Variants in SNTG1 observed in about 807,000 individuals in gnomAD.
SNTG1 encodes syntrophin gamma 1.
In SNTG1, 39 loss-of-function variants were observed where a neutral mutation model predicts 74.7. The ratio of observed to expected loss-of-function variants is 0.52; its 90% confidence interval spans 0.40 to 0.68. The LOEUF (loss-of-function observed/expected upper bound fraction) is 0.68. SNTG1 is among the 30% of genes least tolerant of loss of function. The pLI is 0.00. For synonymous variants in SNTG1, 254 were observed against 217.1 expected (o/e 1.17, Z -1.49); for missense variants, 685 against 609.5 (o/e 1.12, Z -1.30).
intron 1 of SNTG1, among the ~76,000 whole-genome samples, chr8:49,992,479 G>A (rs1328042693): frequency 6.6e-6 from 1 of 152,084 alleles, no homozygotes; most frequent in Non-Finnish European, 1.5e-5. Flanking sequence ...TTGATTTGAA[G>A]CAAGTTAACT....
chr8:50,610,506 T>C (rs1194133909), intron 13 of SNTG1, among the ~76,000 whole-genome samples: 1 of 152,220 alleles, frequency 6.6e-6, no homozygotes, highest in Non-Finnish European at 1.5e-5. Flanking sequence ...AGGGTCAACC[T>C]GTTAAATTTG....
rs975092019 is a variant in SNTG1 at position 50,069,832 on chromosome 8, G to A, written c.-102-102729G>A. Among the ~76,000 whole-genome samples the A allele has an allele frequency of 2.0e-5, 3 of 151,808 alleles. No individual in the cohort carries two copies. In the South Asian group the frequency reaches 6.3e-4, roughly 32 times the overall value. ...CCACCCTTCCTGCTGGGTTCACTAA[G>A]GGCTCTCTAGGCAAAGCTTGCCCAA... On this transcript the variant is annotated intron_variant, in intron 1 of 18. Transcript: ENST00000642720.
At chr8:50,748,690 T>C (rs2095560622) in intron 17 of SNTG1, among the ~76,000 whole-genome samples, 2 of 151,992 alleles carry the variant, frequency 1.3e-5, no homozygotes, top group South Asian at 4.1e-4. Context: ...TGGTAATGCT[T>C]AAAATGTTTC....
In SNTG1 at chr8:50,272,970, C is replaced by A. The variant is rs540133166; in HGVS notation, c.-28+100335C>A. On this transcript the variant is annotated intron_variant, in intron 2 of 18. Transcript: ENST00000642720. Reference sequence around the variant, plus strand: ...TATTACCCAGGCTGGTCTAGAACTCCTGGCCTCAAGCAGTCCTCCCATGTC... The same window carrying A: ...TATTACCCAGGCTGGTCTAGAACTCATGGCCTCAAGCAGTCCTCCCATGTC... Among the ~76,000 whole-genome samples, 13 of 151,906 alleles carry A rather than the reference C, an allele frequency of 8.6e-5. No homozygotes were observed. The South Asian group carries it at 1.9e-3, about 22-fold the overall frequency.
intron 1 of SNTG1, among the ~76,000 whole-genome samples, chr8:50,044,285 A>C (rs1336693883): frequency 6.6e-6 from 1 of 152,226 alleles, no homozygotes; most frequent in African/African-American, 2.4e-5. Flanking sequence ...ATTATCAGAT[A>C]AGTAAGGGGA....
At chr8:50,311,220 ATAGT>A (rs1224396450) in intron 2 of SNTG1, among the ~76,000 whole-genome samples, 10 of 152,260 alleles carry the variant, frequency 6.6e-5, no homozygotes, top group African/African-American at 2.4e-4. Flanking sequence ...TTCATCTCAC[ATAGT>A]TAAGGGACTG....
rs545572714 is a variant in SNTG1 at position 50,316,589 on chromosome 8, G to A, written c.-27-77623G>A. On this transcript the variant is annotated intron_variant, in intron 2 of 18. Coordinates refer to ENST00000642720, the MANE Select transcript of SNTG1 (RefSeq NM_018967.5). ...AAAATAATTTCATTTTCTGCTGATG[G>A]CAACCTTTTTATGACCTAGGCCATA... Among the ~76,000 whole-genome samples the A allele has an allele frequency of 3.9e-5, 6 of 152,112 alleles. No homozygotes were observed. The East Asian group carries it at 1.2e-3, about 29-fold the overall frequency.
intron 15 of SNTG1, among the ~76,000 whole-genome samples, chr8:50,704,122 T>TA: frequency 6.6e-6 from 1 of 151,132 alleles, no homozygotes; most frequent in Admixed American, 6.6e-5. Flanking sequence ...CGTTTTTTTT[T>TA]AAGCAATATT....
At chr8:50,453,237 G>A (rs933571750) in intron 8 of SNTG1, among the ~76,000 whole-genome samples, 2 of 152,166 alleles carry the variant, frequency 1.3e-5, no homozygotes, top group Non-Finnish European at 2.9e-5. Flanking sequence ...GACAGTACCT[G>A]GTGCTGTGAG....
intron 2 of SNTG1, among the ~76,000 whole-genome samples, chr8:50,267,319 T>C (rs1403237249): frequency 1.3e-5 from 2 of 152,106 alleles, no homozygotes; most frequent in East Asian, 1.9e-4. Context: ...AGTAATAAGA[T>C]GAAAAATGAC....
At chr8:50,760,952 G>A (rs988439453) in intron 18 of SNTG1, among the ~76,000 whole-genome samples, 2 of 151,928 alleles carry the variant, frequency 1.3e-5, no homozygotes, top group African/African-American at 4.8e-5. Context: ...GTACAAAGAA[G>A]AGCTGGTACC....
At chr8:50,778,585 A>T (rs368325839) in intron 18 of SNTG1, among the ~76,000 whole-genome samples, 5 of 151,844 alleles carry the variant, frequency 3.3e-5, no homozygotes, top group East Asian at 1.9e-4. Flanking sequence ...TTGAGTTCAT[A>T]GTAGATTCTG....
At chr8:50,098,113 A>T (rs540085356) in intron 1 of SNTG1, among the ~76,000 whole-genome samples, 1 of 152,182 alleles carries the variant, frequency 6.6e-6, no homozygotes, top group African/African-American at 2.4e-5. Context: ...CAACTCCAGG[A>T]AAAACAGAGA....
At chr8:49,958,672 G>A (rs1810407600) in intron 1 of SNTG1, among the ~76,000 whole-genome samples, 1 of 152,142 alleles carries the variant, frequency 6.6e-6, no homozygotes, top group Non-Finnish European at 1.5e-5. Flanking sequence ...ACCCGCCTTG[G>A]CCTCCCAAAG....
intron 15 of SNTG1, among the ~76,000 whole-genome samples, chr8:50,670,158 T>A (rs1196110369): frequency 1.3e-5 from 2 of 152,088 alleles, no homozygotes; most frequent in Non-Finnish European, 2.9e-5. Context: ...CTCTCACCAC[T>A]CCTATTCAAC....
intron 1 of SNTG1, among the ~76,000 whole-genome samples, chr8:49,975,564 A>G (rs1229747304): frequency 6.6e-6 from 1 of 152,172 alleles, no homozygotes; most frequent in African/African-American, 2.4e-5. Flanking sequence ...CAGGATGAGA[A>G]TATGAAGCTG....
rs745805302 is a variant in SNTG1 at position 50,121,490 on chromosome 8, A to G, written c.-102-51071A>G. 1.4e-5 allele frequency among the ~76,000 whole-genome samples: 2 copies of G among 142,180 alleles called. 1 individual carries two copies. Among genetic ancestry groups the G allele is most frequent in the Non-Finnish European group, 3.1e-5 (2 of 63,916 alleles). 93.3% of individuals were successfully genotyped at this position (142,180 alleles called of 152,430 possible). On this transcript the variant is annotated intron_variant, in intron 1 of 18. Transcript: ENST00000642720. ...AATGTTACAGGTACCTGCTAGAAAA[A>G]AAATGTTGATGTGCTTTGGAAGATT...
chr8:50,147,202 T>C lies in SNTG1; in HGVS notation c.-102-25359T>C, dbSNP rs528961581. On this transcript the variant is annotated intron_variant, in intron 1 of 18. Coordinates refer to ENST00000642720, the MANE Select transcript of SNTG1 (RefSeq NM_018967.5). ...ATTTGTCAAGAGTCATCTAGTAAAT[T>C]TGAAAACAGGTCATTTAAGAAAAAT... Among the ~76,000 whole-genome samples the C allele has an allele frequency of 5.9e-5, 9 of 152,226 alleles. No homozygotes were observed. The South Asian group carries it at 1.4e-3, about 25-fold the overall frequency.
chr8:50,700,320 T>C (rs1424764098), intron 15 of SNTG1, among the ~76,000 whole-genome samples: 1 of 152,230 alleles, frequency 6.6e-6, no homozygotes, highest in Non-Finnish European at 1.5e-5. Flanking sequence ...TGAAATGTTA[T>C]AGGCAGCAAA....
Sources: allele counts gnomAD v4.1 joint callset (sites outside exome capture counted in the v4.1 genomes callset), GRCh38; gene constraint gnomAD v4.1.1; transcripts MANE v1.5; gene names NCBI Gene and HGNC (gene_info 2026-07-23, HGNC 2026-07-21).